MAP2K5: variants seen among roughly 807,000 people sequenced by gnomAD.
The protein encoded by MAP2K5 is mitogen-activated protein kinase kinase 5.
In MAP2K5, 49 loss-of-function variants were observed where a neutral mutation model predicts 83.1. That is an observed-to-expected ratio of 0.59 (90% CI 0.47 to 0.75). MAP2K5 has a LOEUF of 0.75. Among genes scored for constraint, MAP2K5 ranks in the 30% least tolerant of loss-of-function variants. The pLI is 0.00. For synonymous variants in MAP2K5, 202 were observed against 191.8 expected (o/e 1.05, Z -0.44); for missense variants, 457 against 557.5 (o/e 0.82, Z 1.82).
rs1232970665 is a variant in MAP2K5 at position 67,768,780 on chromosome 15, T to C, written c.1135-822T>C. 6.6e-6 allele frequency among the ~76,000 whole-genome samples: 1 copy of C among 152,246 alleles called. No homozygotes were observed. The highest frequency in any genetic ancestry group is 1.5e-5 in the Non-Finnish European group (1 of 68,032). ...AAAGTACTCTGCAGTGTAATTTTAT[T>C]ACATCCTGAGCTGTTACACTATAAA... On this transcript the variant is annotated intron_variant, in intron 19 of 21. Transcript: ENST00000178640. The surrounding 1 kb of genome is among the most constrained non-coding windows in gnomAD (Gnocchi z 4.0).
chr15:67,715,407 T>A lies in MAP2K5; in HGVS notation c.1044+11999T>A, dbSNP rs181883442. ...TTTCCAAGGTTGTCAGTGATTGTAGTGAATGTGAAACTGGCAGACAAAGTG... is the reference window on the plus strand; with the variant it reads ...TTTCCAAGGTTGTCAGTGATTGTAGAGAATGTGAAACTGGCAGACAAAGTG... On this transcript the variant is annotated intron_variant, in intron 16 of 21. Coordinates refer to ENST00000178640, the MANE Select transcript of MAP2K5 (RefSeq NM_145160.3). Among the ~76,000 whole-genome samples, 179 of 152,298 alleles carry A rather than the reference T, an allele frequency of 1.2e-3. 1 individual carries two copies. The highest frequency in any genetic ancestry group is 4.0e-3 in the African/African-American group (167 of 41,558).
In MAP2K5 at chr15:67,760,858, C is replaced by T. The variant is rs1207574679; in HGVS notation, c.1135-8744C>T. Among the ~76,000 whole-genome samples the T allele has an allele frequency of 6.6e-6, 1 of 152,124 alleles. No individual in the cohort carries two copies. Among genetic ancestry groups the T allele is most frequent in the Admixed American group, 6.6e-5 (1 of 15,260 alleles). ...AATCCACCATGATGGGACCTACACA[C>T]CCTGAGCCCAAGTTGGATGCCAGGG... On this transcript the variant is annotated intron_variant, in intron 19 of 21. Transcript: ENST00000178640. The surrounding 1 kb of genome is among the most constrained non-coding windows in gnomAD (Gnocchi z 4.1).
intron 17 of MAP2K5, among the ~76,000 whole-genome samples, chr15:67,735,096 A>G (rs1228672127): frequency 6.6e-6 from 1 of 152,190 alleles, no homozygotes; most frequent in Non-Finnish European, 1.5e-5. Flanking sequence ...ACTTATACAC[A>G]TTTGCTTCTT....
intron 11 of MAP2K5, among the ~76,000 whole-genome samples, chr15:67,656,117 G>A (rs1380528295): frequency 1.3e-5 from 2 of 152,072 alleles, no homozygotes; most frequent in Non-Finnish European, 2.9e-5. Flanking sequence ...GAACAAACCA[G>A]TAACTTTGGA....
chr15:67,624,005 T>C (rs1274995857), intron 8 of MAP2K5, among the ~76,000 whole-genome samples: 1 of 151,860 alleles, frequency 6.6e-6, no homozygotes, highest in Non-Finnish European at 1.5e-5. Flanking sequence ...TAACTGAGAC[T>C]TGGTGGGGCT....
In MAP2K5 at chr15:67,780,978, T is replaced by C. The variant is rs1415886526; in HGVS notation, c.1242+8226T>C. 6.6e-6 allele frequency among the ~76,000 whole-genome samples: 1 copy of C among 152,192 alleles called. No individual in the cohort carries two copies. Among genetic ancestry groups the C allele is most frequent in the African/African-American group, 2.4e-5 (1 of 41,442 alleles). On this transcript the variant is annotated intron_variant, in intron 21 of 21. Coordinates refer to ENST00000178640, the MANE Select transcript of MAP2K5 (RefSeq NM_145160.3). The surrounding 1 kb of genome is among the most constrained non-coding windows in gnomAD (Gnocchi z 5.0). ...CAGAGGTTATTAGAGAGCCAAAACC[T>C]AGAGGAGACCTCCTGGCTAGCACCA...
intron 19 of MAP2K5, among the ~76,000 whole-genome samples, chr15:67,759,626 A>C (rs983227635): frequency 1.3e-5 from 2 of 152,108 alleles, no homozygotes; most frequent in Non-Finnish European, 2.9e-5. Flanking sequence ...ATATCCACTC[A>C]TCTTTTACCT....
At chr15:67,606,272 G>A (rs1415635134) in intron 8 of MAP2K5, among the ~76,000 whole-genome samples, 2 of 152,126 alleles carry the variant, frequency 1.3e-5, no homozygotes, top group Non-Finnish European at 2.9e-5. Flanking sequence ...AGTTATTCAA[G>A]CCAAGACTCA....
chr15:67,618,276 T>C (rs2086099997), intron 8 of MAP2K5, among the ~76,000 whole-genome samples: 1 of 152,200 alleles, frequency 6.6e-6, no homozygotes, highest in African/African-American at 2.4e-5. Context: ...TTTCATGGCC[T>C]CAGGGACCCC....
At chr15:67,575,916 CTTTT>C (rs71142381) in intron 3 of MAP2K5, among the ~76,000 whole-genome samples, 130 of 135,740 alleles carry the variant, frequency 9.6e-4, no homozygotes, top group African/African-American at 3.2e-3. Context: ...TTCTTTCTTT[CTTTT>C]TTTTTTTTTT....
intron 3 of MAP2K5, among the ~76,000 whole-genome samples, chr15:67,574,780 T>G (rs1228313496): frequency 6.6e-6 from 1 of 151,598 alleles, no homozygotes; most frequent in Non-Finnish European, 1.5e-5. Flanking sequence ...GACAGGAGAA[T>G]CATTTGAACC....
intron 21 of MAP2K5, among the ~76,000 whole-genome samples, 176 bp from the exon 22 acceptor site, chr15:67,806,470 G>A (rs1429551311): frequency 1.3e-5 from 2 of 152,182 alleles, no homozygotes; most frequent in Non-Finnish European, 2.9e-5. Flanking sequence ...GTATGTCACT[G>A]CTCGTCCCTG....
chr15:67,728,166 C>T lies in MAP2K5; in HGVS notation c.1074+221C>T, dbSNP rs558550070. ...TTAAAGGTTGAGAGTGATCATTGTGCTTTTCCTTTGTGTGACATTCGGGAT... is the reference window on the plus strand; with the variant it reads ...TTAAAGGTTGAGAGTGATCATTGTGTTTTTCCTTTGTGTGACATTCGGGAT... On this transcript the variant is annotated intron_variant, in intron 17 of 21. Transcript: ENST00000178640. 2.2e-4 allele frequency among the ~76,000 whole-genome samples: 34 copies of T among 152,210 alleles called. No individual in the cohort carries two copies. In the South Asian group the frequency reaches 6.8e-3, roughly 31 times the overall value.
At position 67,769,696 on chromosome 15, in the gene MAP2K5, A is replaced by G. The variant is rs763908020; in HGVS notation, c.1196+33A>G. 1.6e-5 allele frequency: 26 copies of G among 1,605,138 alleles called. No individual in the cohort carries two copies. The highest frequency in any genetic ancestry group is 1.7e-5 in the Admixed American group (1 of 59,922). ...CGTTTACAAACATGCCATGCCCTCAATGTAAATGATACATGCCATTAACTC... is the reference window on the plus strand; with the variant it reads ...CGTTTACAAACATGCCATGCCCTCAGTGTAAATGATACATGCCATTAACTC... On this transcript the variant is annotated intron_variant, in intron 20 of 21. Coordinates refer to ENST00000178640, the MANE Select transcript of MAP2K5 (RefSeq NM_145160.3). This position sits in a 1 kb window ranked among gnomAD's most constrained non-coding sequence, Gnocchi z 5.2.
chr15:67,800,935 T>TAACA (rs1158847332), intron 21 of MAP2K5, among the ~76,000 whole-genome samples: 2 of 152,318 alleles, frequency 1.3e-5, no homozygotes, highest in East Asian at 3.9e-4. Flanking sequence ...CAGTACAAGG[T>TAACA]AACAGATCAC....
chr15:67,646,051 TAGA>T (rs1339151234), intron 9 of MAP2K5, among the ~76,000 whole-genome samples, 177 bp from the exon 10 acceptor site: 1 of 152,118 alleles, frequency 6.6e-6, no homozygotes, highest in Non-Finnish European at 1.5e-5. Context: ...TCCCCCAGTA[TAGA>T]AGGACAAAAG....
intron 11 of MAP2K5, among the ~76,000 whole-genome samples, chr15:67,646,801 T>C (rs1596715712): frequency 6.6e-6 from 1 of 152,328 alleles, no homozygotes; most frequent in East Asian, 1.9e-4. Context: ...AATGTTTCAA[T>C]AGCCAAAACA....
At chr15:67,556,003 C>T (rs2084615555) in intron 2 of MAP2K5, among the ~76,000 whole-genome samples, 1 of 152,154 alleles carries the variant, frequency 6.6e-6, no homozygotes, top group Non-Finnish European at 1.5e-5. Flanking sequence ...CCAGACTGGT[C>T]TCAAACTCCT....
At chr15:67,588,171 G>A in intron 6 of MAP2K5, 7 of 901,014 alleles carry the variant, frequency 7.8e-6, no homozygotes, top group Non-Finnish European at 9.3e-6. Context: ...GGTGCTCTGT[G>A]TACTCCAGCT....
Sources: gnomAD v4.1 joint callset for allele counts (sites outside exome capture counted in the v4.1 genomes callset) on GRCh38, gnomAD v4.1.1 for gene constraint, Gnocchi (gnomAD v3.1) non-coding constraint, MANE v1.5 for transcripts, NCBI Gene and HGNC (gene_info 2026-07-23, HGNC 2026-07-21) for gene names.